Variants in POFUT3 observed in about 807,000 individuals in gnomAD.
POFUT3 encodes the protein protein O-fucosyltransferase 3.
the POFUT3 span, among the ~76,000 whole-genome samples, chr8:33,369,791 CTA>C: frequency 1.3e-5 from 2 of 152,118 alleles, no homozygotes; most frequent in African/African-American, 4.8e-5. Context: ...GCATAGAACA[CTA>C]TATGTTTCCA....
At chr8:33,365,764 T>C in the POFUT3 span, among the ~76,000 whole-genome samples, 1 of 152,154 alleles carries the variant, frequency 6.6e-6, no homozygotes, top group African/African-American at 2.4e-5. Context: ...CAACAGATGC[T>C]GAAGAGGATG....
At chr8:33,459,640 TC>T in the POFUT3 span, among the ~76,000 whole-genome samples, 2 of 142,750 alleles carry the variant, frequency 1.4e-5, no homozygotes, top group Non-Finnish European at 3.1e-5. Flanking sequence ...TGAAACTGTC[TC>T]AAAAAAAAAA....
At chr8:33,316,406 G>A in the POFUT3 span, among the ~76,000 whole-genome samples, 1 of 151,898 alleles carries the variant, frequency 6.6e-6, no homozygotes, top group Non-Finnish European at 1.5e-5. Context: ...GGTCTAGTGG[G>A]TTTTGAAAAC....
chr8:33,315,474 C>A, the POFUT3 span, among the ~76,000 whole-genome samples: 1 of 152,140 alleles, frequency 6.6e-6, no homozygotes, highest in African/African-American at 2.4e-5. Flanking sequence ...TGGCTACTCT[C>A]TTCCCTCAAT....
At chr8:33,441,402 A>G in the POFUT3 span, among the ~76,000 whole-genome samples, 1 of 119,874 alleles carries the variant, frequency 8.3e-6, no homozygotes, top group African/African-American at 3.3e-5. Flanking sequence ...TTTTTTTGAG[A>G]CAAGGTCTGG....
chr8:33,428,164 C>A, the POFUT3 span, among the ~76,000 whole-genome samples: 4 of 152,188 alleles, frequency 2.6e-5, no homozygotes, highest in Non-Finnish European at 2.9e-5. Flanking sequence ...TCATCTCCTT[C>A]TCTCTCCTGG....
the POFUT3 span, among the ~76,000 whole-genome samples, chr8:33,383,024 G>A: frequency 1.4e-4 from 21 of 152,216 alleles, 1 homozygote; most frequent in South Asian, 3.7e-3. Flanking sequence ...TTTGGACTAC[G>A]GAGAAAGCAG....
chr8:33,452,943 A>G, the POFUT3 span: 2 of 379,488 alleles, frequency 5.3e-6, no homozygotes, highest in Non-Finnish European at 9.4e-6. Flanking sequence ...ACTTTGCTTC[A>G]TCTCAAAGCA....
the POFUT3 span, among the ~76,000 whole-genome samples, chr8:33,349,291 AT>A: frequency 6.6e-6 from 1 of 152,048 alleles, no homozygotes; most frequent in African/African-American, 2.4e-5. Flanking sequence ...CCTTAAAAAA[AT>A]TTTTTTTGAT....
At chr8:33,317,407 T>A in the POFUT3 span, among the ~76,000 whole-genome samples, 1 of 152,140 alleles carries the variant, frequency 6.6e-6, no homozygotes, top group Non-Finnish European at 1.5e-5. Flanking sequence ...TCCTTTCTGC[T>A]GACCCCAAGT....
chr8:33,348,340 G>C, the POFUT3 span, among the ~76,000 whole-genome samples: 3 of 152,106 alleles, frequency 2.0e-5, no homozygotes, highest in Non-Finnish European at 4.4e-5. Flanking sequence ...CCCAATTGAT[G>C]ATGAGTGAAA....
chr8:33,390,833 C>T, the POFUT3 span, among the ~76,000 whole-genome samples: 6 of 152,244 alleles, frequency 3.9e-5, no homozygotes, highest in Admixed American at 1.3e-4. Context: ...ATTGAAAAAC[C>T]TCTGAAACAT....
chr8:33,382,035 G>A, the POFUT3 span, among the ~76,000 whole-genome samples: 5 of 152,230 alleles, frequency 3.3e-5, no homozygotes, highest in East Asian at 5.8e-4. Flanking sequence ...GCTAACACAC[G>A]CAATCCTAGC....
At chr8:33,331,373 A>C in the POFUT3 span, among the ~76,000 whole-genome samples, 33 of 152,122 alleles carry the variant, frequency 2.2e-4, no homozygotes, top group African/African-American at 8.0e-4. Context: ...CTAAAACTAT[A>C]CACTATCAAA....
chr8:33,346,923 C>G, the POFUT3 span, among the ~76,000 whole-genome samples: 1 of 152,108 alleles, frequency 6.6e-6, no homozygotes, highest in Admixed American at 6.5e-5. Flanking sequence ...TCAGAGAAAA[C>G]TTCTATGAAG....
the POFUT3 span, among the ~76,000 whole-genome samples, chr8:33,365,773 T>A: frequency 6.6e-6 from 1 of 152,152 alleles, no homozygotes; most frequent in African/African-American, 2.4e-5. Flanking sequence ...CTGAAGAGGA[T>A]GTGGAGAAAT....
the POFUT3 span, among the ~76,000 whole-genome samples, chr8:33,442,475 G>A: frequency 6.7e-6 from 1 of 148,450 alleles, no homozygotes; most frequent in Non-Finnish European, 1.5e-5. Flanking sequence ...AGTTACAGAT[G>A]GGGTTTCACC....
chr8:33,380,167 ATATATATAC>A, the POFUT3 span, among the ~76,000 whole-genome samples: 10 of 73,636 alleles, frequency 1.4e-4, no homozygotes, highest in Non-Finnish European at 2.3e-4. Flanking sequence ...TATATACTAT[ATATATATAC>A]TATATATATA....
At chr8:33,308,864 T>C in the POFUT3 span, among the ~76,000 whole-genome samples, 1 of 151,808 alleles carries the variant, frequency 6.6e-6, no homozygotes, top group Non-Finnish European at 1.5e-5. Flanking sequence ...CATCTGTGCA[T>C]TCTGGAGCCC....
Sources: allele counts gnomAD v4.1 joint callset (sites outside exome capture counted in the v4.1 genomes callset), GRCh38; gene constraint gnomAD v4.1.1; transcripts MANE v1.5; gene names NCBI Gene and HGNC (gene_info 2026-07-23, HGNC 2026-07-21).